The following SGCZ variants were observed in gnomAD, a reference collection of about 807,000 sequenced individuals.
The protein encoded by SGCZ is sarcoglycan zeta.
A neutral mutation model predicts 41.3 loss-of-function variants in SGCZ; 40 were observed. That is an observed-to-expected ratio of 0.97 (90% CI 0.75 to 1.26). The LOEUF is 1.26. Ranked by LOEUF, SGCZ falls within the 50% of genes most tolerant of loss-of-function variation. SGCZ has a pLI of 0.00. For missense variants in SGCZ, 552 were observed against 369.8 expected, an observed-to-expected ratio of 1.49 and a Z score of -4.04; for synonymous variants, 206 against 137.5, an observed-to-expected ratio of 1.50 and a Z score of -3.49.
At chr8:14,460,492 C>A (rs1257148379) in intron 2 of SGCZ, among the ~76,000 whole-genome samples, 1 of 152,036 alleles carries the variant, frequency 6.6e-6, no homozygotes, top group Non-Finnish European at 1.5e-5. Context: ...GGCAGTGGGA[C>A]GATTTGTGGT....
At chr8:14,626,311 A>T (rs780784851) in intron 1 of SGCZ, among the ~76,000 whole-genome samples, 45 of 151,784 alleles carry the variant, frequency 3.0e-4, no homozygotes, top group Non-Finnish European at 6.3e-4. Flanking sequence ...TCCCTCCCCC[A>T]ACCCCCTCAA....
At chr8:14,631,028 T>A (rs1258743438) in intron 1 of SGCZ, among the ~76,000 whole-genome samples, 4 of 151,828 alleles carry the variant, frequency 2.6e-5, no homozygotes, top group Non-Finnish European at 4.4e-5. Context: ...AATAAAAAAA[T>A]AAAAATAAAA....
intron 1 of SGCZ, among the ~76,000 whole-genome samples, chr8:15,008,070 A>T (rs1038064003): frequency 6.6e-6 from 1 of 152,194 alleles, no homozygotes; most frequent in South Asian, 2.1e-4. Flanking sequence ...AAAATATCAA[A>T]AAAACTACTG....
intron 1 of SGCZ, among the ~76,000 whole-genome samples, chr8:14,711,301 A>G (rs899699208): frequency 1.3e-5 from 2 of 152,040 alleles, no homozygotes; most frequent in African/African-American, 4.8e-5. Context: ...AATAATGTAC[A>G]TATGTTGGCC....
intron 1 of SGCZ, among the ~76,000 whole-genome samples, chr8:15,115,460 T>C (rs1807231756): frequency 6.6e-6 from 1 of 152,092 alleles, no homozygotes. Context: ...CTCCTGAGAG[T>C]CCAGAAACTC....
intron 2 of SGCZ, among the ~76,000 whole-genome samples, chr8:14,455,991 A>G (rs563634560): frequency 6.6e-6 from 1 of 152,234 alleles, no homozygotes; most frequent in Admixed American, 6.5e-5. Flanking sequence ...AGGGGAGGGG[A>G]TGCGGAGTGA....
rs117660890 is a variant in SGCZ, at chr8:14,659,045, A to G, written c.40-104119T>C. On this transcript the variant is annotated intron_variant, in intron 1 of 7. Transcript: ENST00000382080. Reference sequence around the variant, plus strand: ...GAAAAAAACTATGAGCTCAATCTTTATTTTATTATGATAAAATGGTATATT... The same window carrying G: ...GAAAAAAACTATGAGCTCAATCTTTGTTTTATTATGATAAAATGGTATATT... Among the ~76,000 whole-genome samples, 245 of 152,246 alleles carry G rather than the reference A, an allele frequency of 1.6e-3. 1 individual carries two copies. In the South Asian group the frequency reaches 0.018, roughly 11 times the overall value.
chr8:14,590,585 G>A (rs1416335675), intron 1 of SGCZ, among the ~76,000 whole-genome samples: 4 of 150,262 alleles, frequency 2.7e-5, no homozygotes, highest in Non-Finnish European at 5.9e-5. Context: ...TAGTGGACTA[G>A]AGTTTGTTTT....
At chr8:14,860,178 C>A (rs1803672192) in intron 1 of SGCZ, among the ~76,000 whole-genome samples, 1 of 150,888 alleles carries the variant, frequency 6.6e-6, no homozygotes, top group Admixed American at 6.6e-5. Context: ...GAAAATGCTA[C>A]ACAAAGTCTT....
chr8:14,149,625 C>A (rs1803634777), intron 5 of SGCZ, among the ~76,000 whole-genome samples: 1 of 149,458 alleles, frequency 6.7e-6, no homozygotes. Flanking sequence ...CAGTGCAATC[C>A]CTATCAAAAT....
intron 2 of SGCZ, among the ~76,000 whole-genome samples, chr8:14,439,912 A>G (rs1800198684): frequency 6.6e-6 from 1 of 151,966 alleles, no homozygotes. Flanking sequence ...AATCCATTAT[A>G]TTGGTAACTG....
chr8:15,042,597 G>C (rs1219212252), intron 1 of SGCZ, among the ~76,000 whole-genome samples: 3 of 152,038 alleles, frequency 2.0e-5, no homozygotes, highest in Admixed American at 6.6e-5. Flanking sequence ...ACTTGATATG[G>C]GTTAATACAT....
At chr8:14,249,581 T>C (rs951563358) in intron 3 of SGCZ, among the ~76,000 whole-genome samples, 9 of 152,202 alleles carry the variant, frequency 5.9e-5, no homozygotes, top group South Asian at 4.1e-4. Context: ...TTTCGCATAC[T>C]TTGAAGCATT....
At chr8:14,613,390 G>A (rs1231507565) in intron 1 of SGCZ, among the ~76,000 whole-genome samples, 1 of 152,040 alleles carries the variant, frequency 6.6e-6, no homozygotes, top group East Asian at 1.9e-4. Flanking sequence ...AAAAGAAATA[G>A]CAAAATACCC....
chr8:14,320,892 C>T (rs977317011), intron 3 of SGCZ, among the ~76,000 whole-genome samples: 4 of 151,972 alleles, frequency 2.6e-5, no homozygotes, highest in Non-Finnish European at 4.4e-5. Flanking sequence ...AAGAACTACA[C>T]GATGCAAATT....
At chr8:14,508,628 A>T (rs1802377674) in intron 2 of SGCZ, among the ~76,000 whole-genome samples, 1 of 152,154 alleles carries the variant, frequency 6.6e-6, no homozygotes, top group South Asian at 2.1e-4. Flanking sequence ...AACTTTCCCC[A>T]TCGGTGGCAT....
At chr8:14,817,040 T>G (rs1801925501) in intron 1 of SGCZ, among the ~76,000 whole-genome samples, 1 of 152,186 alleles carries the variant, frequency 6.6e-6, no homozygotes, top group Admixed American at 6.5e-5. Flanking sequence ...ATTAAAAGTT[T>G]TGTCCATTTC....
chr8:14,870,576 A>G (rs894122568), intron 1 of SGCZ, among the ~76,000 whole-genome samples: 3 of 152,208 alleles, frequency 2.0e-5, no homozygotes, highest in African/African-American at 7.2e-5. Flanking sequence ...AAAAGCCAAA[A>G]TTGACAAATA....
At chr8:14,869,369 C>T (rs1472639534) in intron 1 of SGCZ, among the ~76,000 whole-genome samples, 2 of 152,074 alleles carry the variant, frequency 1.3e-5, no homozygotes, top group Non-Finnish European at 2.9e-5. Context: ...GCAGAAAAAT[C>T]CTTCGATGAA....
Sources: allele counts gnomAD v4.1 joint callset (sites outside exome capture counted in the v4.1 genomes callset), GRCh38; gene constraint gnomAD v4.1.1; transcripts MANE v1.5; gene names NCBI Gene and HGNC (gene_info 2026-07-23, HGNC 2026-07-21).